Variants in FGF12 observed in about 807,000 individuals in gnomAD.
FGF12 encodes fibroblast growth factor 12B.
FGF12 carries 14 observed loss-of-function variants against 23.6 expected under a neutral mutation model. The observed-to-expected ratio is 0.59, with a 90% confidence interval of 0.39 to 0.93. The LOEUF (loss-of-function observed/expected upper bound fraction) is 0.93, where lower values mean the gene tolerates loss of function less well. Among genes scored for constraint, FGF12 ranks in the 40% least tolerant of loss-of-function variants. The pLI is 0.00. For missense variants in FGF12, 175 were observed against 217.8 expected, an observed-to-expected ratio of 0.80 and a Z score of 1.24; for synonymous variants, 62 against 77.3, an observed-to-expected ratio of 0.80 and a Z score of 1.04.
chr3:192,190,139 G>C (rs187634643), intron 4 of FGF12, among the ~76,000 whole-genome samples: 138 of 152,218 alleles, frequency 9.1e-4, no homozygotes, highest in African/African-American at 3.2e-3. Flanking sequence ...ATGTTGCATA[G>C]ACTTTGCATT....
rs1202507402 is a variant in FGF12 at position 192,409,806 on chromosome 3, TC to T, written c.14-49269del. Among the ~76,000 whole-genome samples the T allele has an allele frequency of 6.6e-6, 1 of 151,856 alleles. No homozygotes were observed. The highest frequency in any genetic ancestry group is 2.4e-5 in the African/African-American group (1 of 41,354). On this transcript the variant is annotated intron_variant, in intron 2 of 5. Transcript: ENST00000445105. The surrounding 1 kb of genome is among the most constrained non-coding windows in gnomAD (Gnocchi z 4.8). Reference sequence around the variant, plus strand: ...CGGGCGCTTGGGGCCGGAGGCGGAATCAGGGGCCGGGGCCAGGAGGCAGGTG... The same window carrying T: ...CGGGCGCTTGGGGCCGGAGGCGGAATAGGGGCCGGGGCCAGGAGGCAGGTG...
intron 2 of FGF12, among the ~76,000 whole-genome samples, chr3:192,421,948 T>C (rs1039389525): frequency 6.6e-6 from 1 of 152,086 alleles, no homozygotes; most frequent in African/African-American, 2.4e-5. Flanking sequence ...GAAAGAAATA[T>C]GAAGATGTCT....
At chr3:192,621,828 A>G (rs952304015) in intron 2 of FGF12, among the ~76,000 whole-genome samples, 3 of 152,080 alleles carry the variant, frequency 2.0e-5, no homozygotes, top group African/African-American at 4.8e-5. Context: ...CTGTGCTCCA[A>G]TGCCACTAGT....
At chr3:192,420,406 G>A (rs1721488162) in intron 2 of FGF12, among the ~76,000 whole-genome samples, 1 of 152,158 alleles carries the variant, frequency 6.6e-6, no homozygotes, top group Non-Finnish European at 1.5e-5. Flanking sequence ...TAGTTCAGAT[G>A]TTAATCCCCT....
intron 2 of FGF12, among the ~76,000 whole-genome samples, chr3:192,434,860 T>C (rs1268004459): frequency 6.6e-6 from 1 of 152,068 alleles, no homozygotes; most frequent in Non-Finnish European, 1.5e-5. Flanking sequence ...ATAATCTAAC[T>C]CATGATGGCT....
chr3:192,433,685 T>C (rs2108791850), intron 2 of FGF12, among the ~76,000 whole-genome samples: 1 of 152,388 alleles, frequency 6.6e-6, no homozygotes, highest in South Asian at 2.1e-4. Context: ...GCTAACGTCA[T>C]GTAAATATTT....
At chr3:192,465,152 T>A (rs146481264) in intron 2 of FGF12, among the ~76,000 whole-genome samples, 1 of 152,336 alleles carries the variant, frequency 6.6e-6, no homozygotes, top group East Asian at 1.9e-4. Context: ...TATAGAAGAA[T>A]TTTTACCTTG....
intron 2 of FGF12, among the ~76,000 whole-genome samples, chr3:192,398,546 A>G (rs1720625709): frequency 6.6e-6 from 1 of 151,798 alleles, no homozygotes; most frequent in African/African-American, 2.4e-5. Context: ...ACCACGCCCG[A>G]CTAATTTTGT....
intron 4 of FGF12, among the ~76,000 whole-genome samples, chr3:192,252,569 A>G (rs1220038571): frequency 6.6e-6 from 1 of 151,396 alleles, no homozygotes; most frequent in African/African-American, 2.4e-5. Flanking sequence ...ACAGTGACCG[A>G]GGAAATAAAA....
At chr3:192,464,326 T>C (rs550565234) in intron 2 of FGF12, among the ~76,000 whole-genome samples, 2 of 149,862 alleles carry the variant, frequency 1.3e-5, no homozygotes, top group South Asian at 4.3e-4. Flanking sequence ...GTCCGCTGTC[T>C]CATTCTTATG....
intron 2 of FGF12, among the ~76,000 whole-genome samples, chr3:192,622,853 C>G (rs1577083968): frequency 6.6e-6 from 1 of 152,108 alleles, no homozygotes; most frequent in African/African-American, 2.4e-5. Context: ...CTTAGGGTGG[C>G]CTTCCTGGAC....
At chr3:192,622,316 C>T (rs563407087) in intron 2 of FGF12, among the ~76,000 whole-genome samples, 18 of 152,226 alleles carry the variant, frequency 1.2e-4, no homozygotes, top group Admixed American at 7.2e-4. Flanking sequence ...GAGTTATCAT[C>T]GAACCGATGA....
intron 4 of FGF12, among the ~76,000 whole-genome samples, chr3:192,297,581 C>T (rs1041819737): frequency 6.6e-6 from 1 of 152,108 alleles, no homozygotes; most frequent in Non-Finnish European, 1.5e-5. Flanking sequence ...CACAACATAA[C>T]AATACCACTT....
intron 4 of FGF12, chr3:192,238,626 G>A: frequency 6.6e-6 from 1 of 152,246 alleles, no homozygotes; most frequent in East Asian, 1.9e-4. Flanking sequence ...CCACTGGACA[G>A]ACTTGTAAAT....
At chr3:192,479,794 GAAGT>G (rs1454406880) in intron 2 of FGF12, among the ~76,000 whole-genome samples, 1 of 152,068 alleles carries the variant, frequency 6.6e-6, no homozygotes, top group Non-Finnish European at 1.5e-5. Flanking sequence ...AGAATATTAA[GAAGT>G]AAGAATATTT....
intron 4 of FGF12, among the ~76,000 whole-genome samples, chr3:192,188,072 G>A (rs756854969): frequency 5.9e-5 from 9 of 151,986 alleles, no homozygotes; most frequent in Non-Finnish European, 4.4e-5. Flanking sequence ...GGAGAGTAGT[G>A]GCCTCATGTA....
Position 192,238,892 on chromosome 3 carries a change from T to C in FGF12, c.229-68236A>G, listed in dbSNP as rs573633505. ...GTGAACCTGGGATGGCTGAAGCTCA[T>C]GCTGAGTCAAGTCTATACTAATCTA... On this transcript the variant is annotated intron_variant, in intron 4 of 5. Transcript: ENST00000445105. 2.6e-5 allele frequency among the ~76,000 whole-genome samples: 4 copies of C among 152,330 alleles called. No homozygotes were observed. In the South Asian group the frequency reaches 8.3e-4, roughly 32 times the overall value.
chr3:192,714,483 T>C (rs1248887405), intron 2 of FGF12, among the ~76,000 whole-genome samples: 2 of 151,760 alleles, frequency 1.3e-5, no homozygotes, highest in Non-Finnish European at 2.9e-5. Flanking sequence ...GTTATAATTC[T>C]GAGTCTTATT....
chr3:192,144,457 T>G (rs1328705572), intron 5 of FGF12, among the ~76,000 whole-genome samples: 3 of 152,190 alleles, frequency 2.0e-5, no homozygotes, highest in African/African-American at 7.2e-5. Context: ...ATATTTCGCT[T>G]TTTGGTCCTT....
Sources: allele counts gnomAD v4.1 joint callset (sites outside exome capture counted in the v4.1 genomes callset), GRCh38; gene constraint gnomAD v4.1.1; non-coding constraint Gnocchi (gnomAD v3.1); transcripts MANE v1.5; gene names NCBI Gene and HGNC (gene_info 2026-07-23, HGNC 2026-07-21).